The following GPATCH2 variants were observed in gnomAD, a reference collection of about 807,000 sequenced individuals.
GPATCH2 encodes the protein G-patch domain containing 2, also known as G patch domain-containing protein 2.
GPATCH2 carries 51 observed loss-of-function variants against 58.0 expected under a neutral mutation model. The ratio of observed to expected loss-of-function variants is 0.88; its 90% CI spans 0.70 to 1.11. The LOEUF is 1.11. Among genes scored for constraint, GPATCH2 ranks in the 50% most tolerant of loss-of-function variants. The pLI, the probability that GPATCH2 is intolerant of heterozygous loss-of-function variation, is 0.00. For synonymous variants in GPATCH2, 222 were observed against 218.5 expected, an observed-to-expected ratio of 1.02 and a Z score of -0.14; for missense variants, 625 against 652.2, an observed-to-expected ratio of 0.96 and a Z score of 0.45.
chr1:217,460,571 C>T (rs1468594964), intron 8 of GPATCH2, among the ~76,000 whole-genome samples: 2 of 152,216 alleles, frequency 1.3e-5, no homozygotes, highest in African/African-American at 2.4e-5. Flanking sequence ...CAGATGTGCA[C>T]GTGACGTGCC....
chr1:217,604,905 G>T (rs1571639575), intron 5 of GPATCH2, among the ~76,000 whole-genome samples: 1 of 152,050 alleles, frequency 6.6e-6, no homozygotes, highest in Non-Finnish European at 1.5e-5. Flanking sequence ...GGCACCTGTA[G>T]TCCCAGCTAC....
At chr1:217,546,651 G>A (rs1424985610) in intron 5 of GPATCH2, among the ~76,000 whole-genome samples, 1 of 152,154 alleles carries the variant, frequency 6.6e-6, no homozygotes, top group African/African-American at 2.4e-5. Flanking sequence ...TAAAAACTCT[G>A]GAAGACAACC....
At chr1:217,482,022 C>A (rs1354540853) in intron 8 of GPATCH2, among the ~76,000 whole-genome samples, 1 of 152,032 alleles carries the variant, frequency 6.6e-6, no homozygotes, top group East Asian at 1.9e-4. Context: ...GTAGGTACTA[C>A]CATTTTCTCT....
At chr1:217,551,556 A>G (rs1301928817) in intron 5 of GPATCH2, among the ~76,000 whole-genome samples, 1 of 152,142 alleles carries the variant, frequency 6.6e-6, no homozygotes, top group Non-Finnish European at 1.5e-5. Context: ...TTCTCTAATA[A>G]TATTTTAACC....
intron 8 of GPATCH2, among the ~76,000 whole-genome samples, chr1:217,489,100 CT>C (rs779967454): frequency 1.7e-3 from 231 of 139,554 alleles, no homozygotes; most frequent in Middle Eastern, 3.6e-3. Flanking sequence ...TTTCTCTTCA[CT>C]TTTTTTTTTT....
At chr1:217,480,700 T>C (rs1023243931) in intron 8 of GPATCH2, among the ~76,000 whole-genome samples, 6 of 152,216 alleles carry the variant, frequency 3.9e-5, no homozygotes. Context: ...CCCATGTTTG[T>C]TGCAGCACAG....
intron 9 of GPATCH2, among the ~76,000 whole-genome samples, chr1:217,439,459 T>A (rs1007128825): frequency 2.6e-4 from 40 of 151,904 alleles, no homozygotes; most frequent in African/African-American, 9.2e-4. Flanking sequence ...TTGAAAGAAC[T>A]AGAGAAGCAA....
intron 5 of GPATCH2, among the ~76,000 whole-genome samples, chr1:217,547,795 C>T (rs2102659546): frequency 6.6e-6 from 1 of 152,262 alleles, no homozygotes; most frequent in East Asian, 1.9e-4. Flanking sequence ...CCACCCAAAT[C>T]TCATCTCGAA....
chr1:217,491,736 T>A lies in GPATCH2; in HGVS notation c.1221A>T (p.Arg407Ser), dbSNP rs1450373616. ...RTEHDQHQLL[R>S]DNRAERGHKK... ...TGTGTCCTCTTTCAGCTCGATTATC[T>A]CTCAGAAGCTGATGCTACACAAAGT... The change falls in exon 8 of 10, where the codon AGA becomes AGT. Residue 407 changes from arginine (R) to serine (S), a missense_variant. Physicochemically the swap from Arg to Ser is moderately radical, Grantham distance 110 (BLOSUM62 -1). Transcript: ENST00000366935. 1 of 1,427,748 alleles carries A rather than the reference T, an allele frequency of 7.0e-7. No homozygotes were observed. The highest frequency in any genetic ancestry group is 1.2e-5 in the South Asian group (1 of 83,250). 88.4% of individuals were successfully genotyped at this position (1,427,748 alleles called of 1,614,324 possible). A position where few individuals can be genotyped will look rare whatever the true frequency, so the allele number is the denominator to read the frequency against.
In GPATCH2 at chr1:217,499,734, T is replaced by C. The variant is rs1293076501; in HGVS notation, c.1167-1339A>G. ...TATTTCCCCTGTTTTGGATTGTGCC[T>C]TTTTTTTTTTTTTATTTAAAGACAA... On this transcript the variant is annotated intron_variant, in intron 6 of 9. Transcript: ENST00000366935. Among the ~76,000 whole-genome samples the C allele has an allele frequency of 3.2e-5, 4 of 123,564 alleles. No homozygotes were observed. In the East Asian group the frequency reaches 8.2e-4, roughly 25 times the overall value. The allele number at this position is 123,564 out of a possible 152,430, so 81.1% of individuals were successfully genotyped here.
intron 5 of GPATCH2, among the ~76,000 whole-genome samples, chr1:217,525,283 C>A (rs1422881112): frequency 6.6e-6 from 1 of 152,062 alleles, no homozygotes; most frequent in Non-Finnish European, 1.5e-5. Flanking sequence ...CCCTCCATCT[C>A]ACTAGACACC....
intron 5 of GPATCH2, among the ~76,000 whole-genome samples, chr1:217,524,796 GC>G (rs1467741973): frequency 7.2e-6 from 1 of 139,662 alleles, no homozygotes; most frequent in Non-Finnish European, 1.6e-5. Flanking sequence ...GTTGCAGTGA[GC>G]CGAGATGGCA....
At chr1:217,477,755 A>G (rs144680796) in intron 8 of GPATCH2, among the ~76,000 whole-genome samples, 1,841 of 152,240 alleles carry the variant, frequency 0.012, 18 homozygotes, top group Non-Finnish European at 0.02. Flanking sequence ...CACCAGGTAG[A>G]CTTCTAAGCT....
At chr1:217,615,927 C>T (rs1195329350) in intron 2 of GPATCH2, among the ~76,000 whole-genome samples, 1 of 152,074 alleles carries the variant, frequency 6.6e-6, no homozygotes, top group East Asian at 1.9e-4. Flanking sequence ...CCTCTCTAAT[C>T]TATTCTACAT....
chr1:217,615,015 A>G (rs1172699399), intron 2 of GPATCH2, among the ~76,000 whole-genome samples: 1 of 151,942 alleles, frequency 6.6e-6, no homozygotes, highest in African/African-American at 2.4e-5. Flanking sequence ...AAATTTAGTG[A>G]TGTTCTTTAA....
chr1:217,448,612 C>T (rs1659505134), intron 9 of GPATCH2, among the ~76,000 whole-genome samples: 1 of 152,194 alleles, frequency 6.6e-6, no homozygotes, highest in African/African-American at 2.4e-5. Flanking sequence ...GGCTTCCTGT[C>T]CTCTCCGATC....
intron 8 of GPATCH2, among the ~76,000 whole-genome samples, chr1:217,454,606 A>AC (rs1303093517): frequency 1.3e-5 from 2 of 150,486 alleles, no homozygotes; most frequent in Non-Finnish European, 3.0e-5. Context: ...AAAAAAAAAA[A>AC]AAAACCTTTC....
chr1:217,624,449 G>A (rs766639618), intron 1 of GPATCH2, among the ~76,000 whole-genome samples: 1 of 152,206 alleles, frequency 6.6e-6, no homozygotes, highest in Non-Finnish European at 1.5e-5. Flanking sequence ...ACCAGGAGGC[G>A]GAGGCTGTAG....
chr1:217,609,832 C>T, intron 5 of GPATCH2: 1 of 1,001,794 alleles, frequency 1.0e-6, no homozygotes, highest in Non-Finnish European at 1.2e-6. Context: ...TTAAAATTTT[C>T]TAGCTTTGTT....
Sources: gnomAD v4.1 joint callset for allele counts (sites outside exome capture counted in the v4.1 genomes callset) on GRCh38, gnomAD v4.1.1 for gene constraint, MANE v1.5 for transcripts, NCBI Gene and HGNC (gene_info 2026-07-23, HGNC 2026-07-21) for gene names.